The following ATP13A3 variants were observed in gnomAD, a reference collection of about 807,000 sequenced individuals.
ATP13A3 encodes polyamine-transporting ATPase 13A3.
ATP13A3 carries 59 observed loss-of-function variants against 158.1 expected under a neutral mutation model. That is an observed-to-expected ratio of 0.37 (90% CI 0.30 to 0.46). The LOEUF is 0.46. Ranked by LOEUF, ATP13A3 falls within the 20% of genes least tolerant of loss-of-function variation. The pLI is 1.00. For synonymous variants in ATP13A3, 491 were observed against 504.3 expected (o/e 0.97, Z 0.35); for missense variants, 1,166 against 1,525.2 (o/e 0.76, Z 3.92).
rs766830223 is a variant in ATP13A3, at chr3:194,448,605, C to T, written c.1002G>A (p.Leu334=). Reference sequence around the variant, plus strand: ...CTTTCACATCCACTGAAGGATTTGGCAAATTAGTCTTTGTCACTGGAACAC... The same window carrying T: ...CTTTCACATCCACTGAAGGATTTGGTAAATTAGTCTTTGTCACTGGAACAC... ...GESVPVTKTN[L]PNPSVDVKGI... Residue 334 remains leucine (L), a synonymous_variant, in exon 12 of 34, where the codon TTG becomes TTA. Coordinates refer to ENST00000645319, the MANE Select transcript of ATP13A3 (RefSeq NM_001367549.1). The surrounding 1 kb of genome is among the most constrained non-coding windows in gnomAD (Gnocchi z 4.0). The T allele has an allele frequency of 1.2e-6, 2 of 1,612,836 alleles. No individual in the cohort carries two copies. Among genetic ancestry groups the T allele is most frequent in the Non-Finnish European group, 1.7e-6 (2 of 1,179,628 alleles).
intron 2 of ATP13A3, among the ~76,000 whole-genome samples, chr3:194,468,524 C>T (rs947079728): frequency 7.9e-5 from 12 of 152,006 alleles, no homozygotes; most frequent in African/African-American, 2.7e-4. Flanking sequence ...TTAAAGTATA[C>T]TATTTATCCT....
At chr3:194,416,414 T>C (rs988500863) in intron 31 of ATP13A3, among the ~76,000 whole-genome samples, 79 of 151,872 alleles carry the variant, frequency 5.2e-4, no homozygotes, top group African/African-American at 1.8e-3. Flanking sequence ...GCCGAGATCA[T>C]GCCACTGCAC....
chr3:194,435,164 G>A (rs1717534266), intron 20 of ATP13A3, among the ~76,000 whole-genome samples: 1 of 152,178 alleles, frequency 6.6e-6, no homozygotes, highest in Admixed American at 6.5e-5. Context: ...AAGGATATTA[G>A]AGAATAGTTG....
At position 194,460,769 on chromosome 3, in the gene ATP13A3, G is replaced by C. The variant is rs1719595941; in HGVS notation, c.114C>G (p.Cys38Trp). The C allele has an allele frequency of 6.2e-7, 1 of 1,613,996 alleles. No individual in the cohort carries two copies. The highest frequency in any genetic ancestry group is 1.7e-5 in the Admixed American group (1 of 59,988). The part of the protein sequence containing the change: ...KLAIVSLGVI[C>W]SGGFLLLLLY... Reference sequence around the variant, plus strand: ...GGAGGAGGAGGAGAAACCCACCAGAGCAAATCACTCCTAAAGAAACTATGG... The same window carrying C: ...GGAGGAGGAGGAGAAACCCACCAGACCAAATCACTCCTAAAGAAACTATGG... Residue 38 changes from cysteine (C) to tryptophan (W), a missense_variant, in exon 4 of 34, where the codon TGC becomes TGG. Cys to Trp is a radical substitution (Grantham distance 215). Coordinates refer to ENST00000645319, the MANE Select transcript of ATP13A3 (RefSeq NM_001367549.1).
chr3:194,481,052 A>C (rs1277607770), intron 2 of ATP13A3, among the ~76,000 whole-genome samples: 1 of 152,194 alleles, frequency 6.6e-6, no homozygotes, highest in African/African-American at 2.4e-5. Flanking sequence ...TCCAAGGGTA[A>C]TTTTGACTAC....
chr3:194,412,192 T>C lies in ATP13A3; in HGVS notation c.3573+7A>G. On this transcript the variant is annotated splice_region_variant and intron_variant, in intron 33 of 33. Coordinates refer to ENST00000645319, the MANE Select transcript of ATP13A3 (RefSeq NM_001367549.1). The stretch of plus-strand genomic sequence containing the variant: ...GCAAGAATTGACAGGAAGTGCTGAG[T>C]TCCAACCTGCGGTGGCTGTGTGGTG... 2.6e-6 allele frequency: 4 copies of C among 1,535,580 alleles called. No homozygotes were observed. The highest frequency in any genetic ancestry group is 3.5e-6 in the Non-Finnish European group (4 of 1,146,418).
At chr3:194,474,631 T>C (rs1457639684) in intron 2 of ATP13A3, among the ~76,000 whole-genome samples, 1 of 152,236 alleles carries the variant, frequency 6.6e-6, no homozygotes, top group African/African-American at 2.4e-5. Context: ...ATTAATGTCT[T>C]CCATTATAAT....
At chr3:194,490,755 TG>T (rs1721137210), upstream of ATP13A3, among the ~76,000 whole-genome samples, 1 of 152,268 alleles carries the variant, frequency 6.6e-6, no homozygotes, top group Non-Finnish European at 1.5e-5. This position sits in a 1 kb window ranked among gnomAD's most constrained non-coding sequence, Gnocchi z 4.4. Flanking sequence ...CAAAGGTGTC[TG>T]GGTCCCCCAA....
intron 32 of ATP13A3, chr3:194,412,961 T>A (rs1304453299): frequency 6.6e-6 from 1 of 152,236 alleles, no homozygotes; most frequent in Non-Finnish European, 1.5e-5. Context: ...GCATATATAT[T>A]TCTCAAAAAA....
chr3:194,454,428 G>A (rs1473818926), intron 8 of ATP13A3, 36 bp from the exon 9 acceptor site: 4 of 1,565,866 alleles, frequency 2.6e-6, no homozygotes, highest in Middle Eastern at 1.8e-4. Context: ...ACTGAATGAG[G>A]TATTAATGAC....
rs750520893 is a variant in ATP13A3, at chr3:194,448,203, G to A, written c.1151-194C>T. ...CGCCATTCTCCTGCCTCAGCCTCCC[G>A]AGTAGCTGGGACTGCAGGCGCCCGC... On this transcript the variant is annotated intron_variant, in intron 12 of 33. Coordinates refer to ENST00000645319, the MANE Select transcript of ATP13A3 (RefSeq NM_001367549.1). The surrounding 1 kb of genome is among the most constrained non-coding windows in gnomAD (Gnocchi z 4.0). Among the ~76,000 whole-genome samples the A allele has an allele frequency of 8.6e-5, 13 of 151,700 alleles. No individual in the cohort carries two copies. The highest frequency in any genetic ancestry group is 2.1e-4 in the South Asian group (1 of 4,792).
At chr3:194,451,420 A>G (rs1248882263) in intron 10 of ATP13A3, 2 of 152,234 alleles carry the variant, frequency 1.3e-5, no homozygotes, top group Admixed American at 6.5e-5. Flanking sequence ...CAAGGTATCA[A>G]TGACATGTAA....
chr3:194,408,106 G>A (rs112999254), intron 33 of ATP13A3, among the ~76,000 whole-genome samples: 4,437 of 149,636 alleles, frequency 0.03, 149 homozygotes, highest in African/African-American at 0.082. Context: ...TGCAACCACT[G>A]TCTCCCGGGT....
intron 14 of ATP13A3, among the ~76,000 whole-genome samples, chr3:194,445,083 G>A (rs1718313799): frequency 6.6e-6 from 1 of 152,046 alleles, no homozygotes; most frequent in Admixed American, 6.6e-5. Context: ...ATGGAAGGAT[G>A]CACCAGTTAA....
chr3:194,404,269 G>A lies in ATP13A3; in HGVS notation c.*1650C>T. 2 of 341,542 alleles carry A rather than the reference G, an allele frequency of 5.9e-6. No homozygotes were observed. Among genetic ancestry groups the A allele is most frequent in the South Asian group, 2.1e-5 (1 of 46,720 alleles). 21.2% of individuals were successfully genotyped at this position (341,542 alleles called of 1,614,324 possible). ...TATTATACATTTGATGGAAAACTTCGATTATATTTTTGCAGGAATCATCAG... is the reference window on the plus strand; with the variant it reads ...TATTATACATTTGATGGAAAACTTCAATTATATTTTTGCAGGAATCATCAG... On this transcript the variant is annotated 3_prime_UTR_variant, in exon 34 of 34. Transcript: ENST00000645319.
chr3:194,468,271 T>A (rs1720112716), intron 2 of ATP13A3: 1 of 151,956 alleles, frequency 6.6e-6, no homozygotes, highest in South Asian at 2.1e-4. Flanking sequence ...AAGTTCCAAT[T>A]CCACAGTGCA....
Position 194,427,148 on chromosome 3 carries a change from T to A in ATP13A3, c.3052A>T (p.Ile1018Phe). The A allele has an allele frequency of 6.2e-7, 1 of 1,613,840 alleles. No individual in the cohort carries two copies. The highest frequency in any genetic ancestry group is 8.5e-7 in the Non-Finnish European group (1 of 1,179,958). The change falls in exon 29 of 34, where the codon ATT (isoleucine) becomes TTT (phenylalanine). Residue 1018 changes from isoleucine (I) to phenylalanine (F), a missense_variant. Around this residue, in one of 3 missense-constraint regions of ATP13A3, gnomAD observed 997 missense variants for 1,341.2 expected, o/e 0.74. Transcript: ENST00000645319. ...FSVLSQIIICIGFQSLGFFWV... is the reference protein window; with the variant it reads ...FSVLSQIIICFGFQSLGFFWV... The stretch of plus-strand genomic sequence containing the variant: ...AAAAAACCCAAAGATTGAAATCCAA[T>A]GCAGATGATAATCTGAGACAAAACG...
At chr3:194,489,242 C>G (rs2109094877), upstream of ATP13A3, among the ~76,000 whole-genome samples, 1 of 151,644 alleles carries the variant, frequency 6.6e-6, no homozygotes, top group African/African-American at 2.4e-5. This position sits in a 1 kb window ranked among gnomAD's most constrained non-coding sequence, Gnocchi z 4.1. Flanking sequence ...GTCAGGAGTT[C>G]AAGACCAGCC....
At position 194,456,473 on chromosome 3, in the gene ATP13A3, C is replaced by T. The variant is rs1719236594; in HGVS notation, c.561-511G>A. Among the ~76,000 whole-genome samples, 3 of 152,008 alleles carry T rather than the reference C, an allele frequency of 2.0e-5. No homozygotes were observed. The South Asian group carries it at 6.2e-4, about 31-fold the overall frequency. On this transcript the variant is annotated intron_variant, in intron 7 of 33. Coordinates refer to ENST00000645319, the MANE Select transcript of ATP13A3 (RefSeq NM_001367549.1). ...TTCTATATGATAGAGTAATTCTAGA[C>T]TTTTATGAAATGTAAGTCTAAATGA... is the stretch of plus-strand genomic sequence containing the variant.
Sources: allele counts gnomAD v4.1 joint callset (sites outside exome capture counted in the v4.1 genomes callset), GRCh38; gene constraint gnomAD v4.1.1; regional missense constraint gnomAD v4.1.1; non-coding constraint Gnocchi (gnomAD v3.1); transcripts MANE v1.5; gene names NCBI Gene and HGNC (gene_info 2026-07-23, HGNC 2026-07-21).